The following KHDRBS2 variants were observed in gnomAD, a reference collection of about 807,000 sequenced individuals.
KHDRBS2 encodes KH RNA binding domain containing, signal transduction associated 2, also known as KH domain-containing, RNA-binding, signal transduction-associated protein 2.
In KHDRBS2, 26 loss-of-function variants were observed where a neutral mutation model predicts 44.3. The observed-to-expected ratio is 0.59, with a 90% CI of 0.43 to 0.81. KHDRBS2 has a LOEUF of 0.81. Among genes scored for constraint, KHDRBS2 ranks in the 40% least tolerant of loss-of-function variants. The probability of loss-of-function intolerance (pLI) is 0.00; values close to 1 mark genes in which losing one functional copy is unlikely to be tolerated. For missense variants in KHDRBS2, 476 were observed against 433.1 expected (o/e 1.10, Z -0.88); for synonymous variants, 194 against 151.1 (o/e 1.28, Z -2.08).
the KHDRBS2 span, among the ~76,000 whole-genome samples, chr6:61,633,271 T>C: frequency 1.3e-5 from 2 of 152,044 alleles, no homozygotes; most frequent in East Asian, 3.9e-4. Context: ...TCTCGAAATA[T>C]GAAATGTGGA....
chr6:61,702,245 T>C (rs371377539), intron 7 of KHDRBS2, among the ~76,000 whole-genome samples: 23 of 152,050 alleles, frequency 1.5e-4, no homozygotes, highest in African/African-American at 4.6e-4. Flanking sequence ...TACTAATTTT[T>C]TACGACTTGT....
Position 62,112,453 on chromosome 6 carries a change from C to T in KHDRBS2, c.220-64459G>A, listed in dbSNP as rs560565095. On this transcript the variant is annotated intron_variant, in intron 2 of 8. Transcript: ENST00000281156. ...AGTAGAGCAACAAGACTAGATGAAACCCTTTTGGCATAAAACATTCAGGCA... is the reference window on the plus strand; with the variant it reads ...AGTAGAGCAACAAGACTAGATGAAATCCTTTTGGCATAAAACATTCAGGCA... Among the ~76,000 whole-genome samples, 110 of 152,064 alleles carry T rather than the reference C, an allele frequency of 7.2e-4. 2 individuals carry two copies. The South Asian group carries it at 0.019, about 26-fold the overall frequency.
At chr6:62,020,133 TA>T (rs1781983627) in intron 3 of KHDRBS2, among the ~76,000 whole-genome samples, 1 of 152,036 alleles carries the variant, frequency 6.6e-6, no homozygotes, top group South Asian at 2.1e-4. Context: ...TTCATTCAGT[TA>T]AAAATAATGC....
chr6:61,991,904 T>C (rs908574169), intron 3 of KHDRBS2, among the ~76,000 whole-genome samples: 1 of 152,180 alleles, frequency 6.6e-6, no homozygotes, highest in African/African-American at 2.4e-5. Flanking sequence ...AAGGCAATGG[T>C]TGCAGACTGA....
At chr6:61,847,245 A>T (rs1346733637) in intron 6 of KHDRBS2, among the ~76,000 whole-genome samples, 1 of 152,110 alleles carries the variant, frequency 6.6e-6, no homozygotes, top group Admixed American at 6.5e-5. Context: ...TTTCTTCTCC[A>T]TTTTCTCAGA....
chr6:62,124,494 T>G (rs1808470262), intron 2 of KHDRBS2, among the ~76,000 whole-genome samples: 1 of 152,004 alleles, frequency 6.6e-6, no homozygotes, highest in Non-Finnish European at 1.5e-5. Flanking sequence ...ATTAACATAT[T>G]TCACTTTTCC....
the KHDRBS2 span, among the ~76,000 whole-genome samples, chr6:61,597,815 G>A: frequency 9.0e-6 from 1 of 111,290 alleles, no homozygotes; most frequent in African/African-American, 3.3e-5. Flanking sequence ...TGGACCAAAG[G>A]GACTAAACAT....
chr6:61,642,495 TAAA>T, the KHDRBS2 span, among the ~76,000 whole-genome samples: 1 of 133,992 alleles, frequency 7.5e-6, no homozygotes, highest in Non-Finnish European at 1.6e-5. Context: ...GTTTCTATAT[TAAA>T]AAAAAAAAAA....
the KHDRBS2 span, among the ~76,000 whole-genome samples, chr6:61,586,698 T>C: frequency 6.6e-6 from 1 of 152,064 alleles, no homozygotes; most frequent in Non-Finnish European, 1.5e-5. Flanking sequence ...CCAGCGGCCA[T>C]GTTCCCAGTC....
chr6:61,701,686 GACAAAACAAAACAAA>G, intron 7 of KHDRBS2, among the ~76,000 whole-genome samples: 1 of 151,980 alleles, frequency 6.6e-6, no homozygotes, highest in East Asian at 1.9e-4. Flanking sequence ...TTATTAAAAA[GACAAAACAAAACAAA>G]ACAAAACAAA....
At chr6:61,584,673 G>C in the KHDRBS2 span, among the ~76,000 whole-genome samples, 1 of 151,908 alleles carries the variant, frequency 6.6e-6, no homozygotes, top group Middle Eastern at 3.4e-3. Flanking sequence ...AAGATCATTA[G>C]AATAAAAATA....
At chr6:61,945,275 CACGAAAATAAAACAGGATT>C in intron 4 of KHDRBS2, among the ~76,000 whole-genome samples, 1 of 150,012 alleles carries the variant, frequency 6.7e-6, no homozygotes, top group South Asian at 2.1e-4. Context: ...GAGTAAGTTT[CACGAAAATAAAACAGGATT>C]ACCTTATTTA....
chr6:61,941,712 A>T (rs1013544107), intron 4 of KHDRBS2, among the ~76,000 whole-genome samples: 14 of 152,174 alleles, frequency 9.2e-5, no homozygotes, highest in Admixed American at 2.0e-4. Context: ...CACAGAATCA[A>T]AGCCAAAGTG....
At chr6:62,069,244 G>A (rs1406206066) in intron 2 of KHDRBS2, among the ~76,000 whole-genome samples, 1 of 151,630 alleles carries the variant, frequency 6.6e-6, no homozygotes, top group African/African-American at 2.4e-5. Context: ...TATATCATAT[G>A]TGTTATATTC....
chr6:62,052,744 T>C (rs1309277258), intron 2 of KHDRBS2, among the ~76,000 whole-genome samples: 5 of 152,002 alleles, frequency 3.3e-5, no homozygotes, highest in Admixed American at 2.0e-4. Context: ...CAGTTCACAA[T>C]AGGGTTCCAC....
At chr6:62,016,618 T>C (rs1170709973) in intron 3 of KHDRBS2, among the ~76,000 whole-genome samples, 1 of 149,174 alleles carries the variant, frequency 6.7e-6, no homozygotes, top group Non-Finnish European at 1.5e-5. Flanking sequence ...ATAGGTATAA[T>C]ATATATACTT....
At chr6:61,878,639 A>T (rs1406819512) in intron 6 of KHDRBS2, among the ~76,000 whole-genome samples, 1 of 152,010 alleles carries the variant, frequency 6.6e-6, no homozygotes, top group African/African-American at 2.4e-5. Flanking sequence ...CAGCACAGGA[A>T]TAATACTTAC....
intron 4 of KHDRBS2, among the ~76,000 whole-genome samples, chr6:61,947,243 T>C (rs1348184822): frequency 6.6e-6 from 1 of 152,108 alleles, no homozygotes; most frequent in Admixed American, 6.6e-5. Context: ...TTAATGTGAA[T>C]TGGCAATGGA....
intron 6 of KHDRBS2, among the ~76,000 whole-genome samples, chr6:61,815,150 C>T (rs73758028): frequency 0.069 from 10,429 of 151,412 alleles, 746 homozygotes; most frequent in African/African-American, 0.17. Flanking sequence ...GGATGCAAAA[C>T]CCATGGATAC....
Sources: allele counts gnomAD v4.1 joint callset (sites outside exome capture counted in the v4.1 genomes callset), GRCh38; gene constraint gnomAD v4.1.1; transcripts MANE v1.5; gene names NCBI Gene and HGNC (gene_info 2026-07-23, HGNC 2026-07-21).